The following INAVA variants were observed in gnomAD, a reference collection of about 807,000 sequenced individuals.
INAVA encodes innate immunity activator.
INAVA carries 32 observed loss-of-function variants against 55.3 expected under a neutral mutation model. The observed-to-expected ratio is 0.58, with a 90% CI of 0.44 to 0.78. INAVA has a LOEUF of 0.78. Among genes scored for constraint, INAVA ranks in the 30% least tolerant of loss-of-function variants. INAVA has a pLI of 0.00. For synonymous variants in INAVA, 294 were observed against 329.4 expected, an observed-to-expected ratio of 0.89 and a Z score of 1.16; for missense variants, 756 against 786.4, an observed-to-expected ratio of 0.96 and a Z score of 0.46.
At position 200,907,839 on chromosome 1, in the gene INAVA, A is replaced by G. The variant is rs201992336; in HGVS notation, c.526A>G (p.Ser176Gly). 3 of 1,611,958 alleles carry G rather than the reference A, an allele frequency of 1.9e-6. No individual in the cohort carries two copies. Among genetic ancestry groups the G allele is most frequent in the Admixed American group, 1.7e-5 (1 of 59,964 alleles). Reference sequence around the variant, plus strand: ...CTCCCCTTTGTCTTTCGCAGAGCTCAGTGCCTCTGATGACAGCTCCCTGTC... The same window carrying G: ...CTCCCCTTTGTCTTTCGCAGAGCTCGGTGCCTCTGATGACAGCTCCCTGTC... ...AAALPLGRELSASDDSSLSDG... is the reference protein window; with the variant it reads ...AAALPLGRELGASDDSSLSDG... The change falls in exon 6 of 10, where the codon AGT becomes GGT. Residue 176 changes from serine to glycine, a missense_variant. This residue lies in a region of INAVA where 639 missense variants were observed against 624.3 expected (regional missense o/e 1.02). Coordinates refer to ENST00000413687, the MANE Select transcript of INAVA (RefSeq NM_001142569.3).
At chr1:200,908,970 G>T in intron 7 of INAVA, 30 bp downstream of exon 7, 1 of 1,594,914 alleles carries the variant, frequency 6.3e-7, no homozygotes, top group South Asian at 1.1e-5. Flanking sequence ...GAGAAGGGCA[G>T]GGCAGGGCAG....
At chr1:200,913,473 C>T in intron 9 of INAVA, 64 bp from the exon 10 acceptor site, 1 of 1,292,390 alleles carries the variant, frequency 7.7e-7, no homozygotes, top group Non-Finnish European at 1.1e-6. Context: ...GTAACTGTGC[C>T]TGCTGTCCCC....
chr1:200,892,296 A>T (rs1271911666), upstream of INAVA, among the ~76,000 whole-genome samples: 1 of 152,188 alleles, frequency 6.6e-6, no homozygotes. Flanking sequence ...AGATTTTAGC[A>T]GTGCCTGAGA....
upstream of INAVA, among the ~76,000 whole-genome samples, chr1:200,893,005 C>A (rs1668266071): frequency 6.6e-6 from 1 of 152,188 alleles, no homozygotes; most frequent in African/African-American, 2.4e-5. Context: ...CATTAGGCAT[C>A]TGTAGATGGA....
intron 8 of INAVA, among the ~76,000 whole-genome samples, chr1:200,911,047 T>G (rs1653692898): frequency 6.7e-6 from 1 of 150,328 alleles, no homozygotes; most frequent in Admixed American, 6.7e-5. Context: ...AAGTAGTTAA[T>G]GTAGTACTTT....
At chr1:200,900,066 G>A (rs1383407530) in intron 3 of INAVA, 38 bp from the exon 4 acceptor site, 2 of 1,554,804 alleles carry the variant, frequency 1.3e-6, no homozygotes, top group Non-Finnish European at 1.8e-6. Context: ...AGTCTGGGCA[G>A]GTGGAGAGGA....
At chr1:200,898,045 G>A (rs1378365363) in intron 1 of INAVA, among the ~76,000 whole-genome samples, 4 of 151,866 alleles carry the variant, frequency 2.6e-5, no homozygotes, top group Non-Finnish European at 4.4e-5. Context: ...CACAGCTGTC[G>A]ACCCCCTTAG....
At chr1:200,892,706 G>C (rs909046666), upstream of INAVA, among the ~76,000 whole-genome samples, 8 of 152,140 alleles carry the variant, frequency 5.3e-5, no homozygotes, top group Non-Finnish European at 8.8e-5. Context: ...CTGGCCTCTG[G>C]AGTGCCCACC....
At chr1:200,908,434 C>A (rs7554511) in intron 6 of INAVA, 65,150 of 299,784 alleles carry the variant, frequency 0.22, 8,028 homozygotes, top group Non-Finnish European at 0.27. Flanking sequence ...CAAAAGATAA[C>A]TGCAGACATG....
At position 200,904,607 on chromosome 1, in the gene INAVA, A is replaced by G. The variant is rs564765633; in HGVS notation, c.521-3227A>G. 2.1e-3 allele frequency among the ~76,000 whole-genome samples: 327 copies of G among 152,250 alleles called. 1 individual carries two copies. The highest frequency in any genetic ancestry group is 0.017 in the Middle Eastern group (5 of 294). On this transcript the variant is annotated intron_variant, in intron 5 of 9. Transcript: ENST00000413687. ...CTCAGCATTTGTGAGTAAAATCTCC[A>G]CCGTTACCCCTCTGTCTGGGGTGTC... is the stretch of plus-strand genomic sequence containing the variant.
At chr1:200,893,768 G>A (rs1446734418), upstream of INAVA, among the ~76,000 whole-genome samples, 2 of 152,192 alleles carry the variant, frequency 1.3e-5, no homozygotes, top group Non-Finnish European at 2.9e-5. Context: ...GATGCTGGGG[G>A]ACTCCAGCCC....
rs750695287 is a variant in INAVA at position 200,912,118 on chromosome 1, C to T, written c.1625C>T (p.Ala542Val). 1.5e-5 allele frequency: 23 copies of T among 1,548,548 alleles called. No homozygotes were observed. The highest frequency in any genetic ancestry group is 2.0e-5 in the Non-Finnish European group (23 of 1,146,472). The change falls in exon 9 of 10, where the codon GCC (alanine) becomes GTC (valine). Residue 542 changes from alanine to valine, a missense_variant. By Grantham distance (64) the Ala-to-Val change is moderately conservative. Coordinates refer to ENST00000413687, the MANE Select transcript of INAVA (RefSeq NM_001142569.3). ...LPLGREGFGRALGPRAQVPTV... is the reference protein window; with the variant it reads ...LPLGREGFGRVLGPRAQVPTV... ...CTTGGGAGAGAGGGCTTCGGACGAG[C>T]CCTGGGACCCCGGGCACAGGTACGG...
At chr1:200,903,454 A>G (rs1394243271) in intron 5 of INAVA, among the ~76,000 whole-genome samples, 1 of 152,012 alleles carries the variant, frequency 6.6e-6, no homozygotes, top group African/African-American at 2.4e-5. Flanking sequence ...GTGCCACTGC[A>G]CTCCAGCCTG....
In INAVA at chr1:200,901,058, T is replaced by TGCTGCAGGAGGAGAAGAA; in HGVS notation, c.430_447dup (p.Glu144_Glu149dup). ...GCTCGGCGGCAGCGGAAGCACTCCA[T>TGCTGCAGGAGGAGAAGAA]GCTGCAGGAGGAGAAGAAGCTGCAG... On this transcript the variant is annotated inframe_insertion, in exon 5 of 10. Coordinates refer to ENST00000413687, the MANE Select transcript of INAVA (RefSeq NM_001142569.3). 4.5e-6 allele frequency: 7 copies of TGCTGCAGGAGGAGAAGAA among 1,545,042 alleles called. No homozygotes were observed. The highest frequency in any genetic ancestry group is 6.1e-6 in the Non-Finnish European group (7 of 1,146,564).
chr1:200,908,670 G>A (rs1423909645), intron 6 of INAVA, 60 bp from the exon 7 acceptor site: 3 of 1,430,120 alleles, frequency 2.1e-6, no homozygotes, highest in Middle Eastern at 1.9e-4. Flanking sequence ...GTTTGTGGAG[G>A]TTCTTGTTGG....
At chr1:200,898,286 T>C in intron 1 of INAVA, 21 bp from the exon 2 acceptor site, 1 of 1,604,500 alleles carries the variant, frequency 6.2e-7, no homozygotes, top group Non-Finnish European at 8.5e-7. Context: ...TTTTTGTTAT[T>C]GTTCTCTTTT....
At chr1:200,912,439 A>G (rs563295133) in intron 9 of INAVA, among the ~76,000 whole-genome samples, 1 of 152,320 alleles carries the variant, frequency 6.6e-6, no homozygotes, top group Non-Finnish European at 1.5e-5. Flanking sequence ...ATGATGCACA[A>G]AGCAGATAAG....
At position 200,898,359 on chromosome 1, in the gene INAVA, C is replaced by A. The variant is rs1234417925; in HGVS notation, c.-42C>A. On this transcript the variant is annotated 5_prime_UTR_variant, in exon 2 of 10. Coordinates refer to ENST00000413687, the MANE Select transcript of INAVA (RefSeq NM_001142569.3). ...ACCTGGCCCAGGCTGGTCACGGTGT[C>A]CCCCCTCCCTGCTCTGTGCCCTCTC... 3 of 1,613,942 alleles carry A rather than the reference C, an allele frequency of 1.9e-6. No individual in the cohort carries two copies. The highest frequency in any genetic ancestry group is 2.5e-6 in the Non-Finnish European group (3 of 1,180,004).
In INAVA at chr1:200,911,673, T is replaced by C; in HGVS notation, c.1180T>C (p.Phe394Leu). ...GGGCAGCAGCAGCCCCGACATCTCC[T>C]TTCTGCAGCCTCTCTCCCCTCCCAA... Reference protein sequence around the residue: ...SPGSSSPDISFLQPLSPPKTH... With the variant: ...SPGSSSPDISLLQPLSPPKTH... The change falls in exon 9 of 10, where the codon TTT (phenylalanine) becomes CTT (leucine). Residue 394 changes from phenylalanine to leucine, a missense_variant. By Grantham distance (22) the Phe-to-Leu change is conservative (BLOSUM62 0). Around this residue, in one of 2 missense-constraint regions of INAVA, gnomAD observed 639 missense variants for 624.3 expected, o/e 1.02. Coordinates refer to ENST00000413687, the MANE Select transcript of INAVA (RefSeq NM_001142569.3). 1.9e-6 allele frequency: 3 copies of C among 1,613,984 alleles called. No homozygotes were observed. The highest frequency in any genetic ancestry group is 2.5e-6 in the Non-Finnish European group (3 of 1,179,940).
Sources: gnomAD v4.1 joint callset for allele counts (sites outside exome capture counted in the v4.1 genomes callset) on GRCh38, gnomAD v4.1.1 for gene constraint, gnomAD v4.1.1 regional missense constraint, MANE v1.5 for transcripts, NCBI Gene and HGNC (gene_info 2026-07-23, HGNC 2026-07-21) for gene names.